BCO2: variants seen among roughly 807,000 people sequenced by gnomAD.
BCO2 encodes carotenoid-cleaving dioxygenase, mitochondrial.
BCO2 carries 56 observed loss-of-function variants against 65.8 expected under a neutral mutation model. The ratio of observed to expected loss-of-function variants is 0.85; its 90% CI spans 0.69 to 1.06. The LOEUF is 1.06. Ranked by LOEUF, BCO2 falls within the 50% of genes least tolerant of loss-of-function variation. The pLI, the probability that BCO2 is intolerant of heterozygous loss-of-function variation, is 0.00. For synonymous variants in BCO2, 233 were observed against 242.3 expected (o/e 0.96, Z 0.36); for missense variants, 675 against 698.5 (o/e 0.97, Z 0.38).
In BCO2 at chr11:112,194,008, A is replaced by T. The variant is rs186711606; in HGVS notation, c.633+14A>T. ...AAAACAGAAAAGGTAAAGTACAGGTAAAAAAAAATGAATAAAATAGATCCT... is the reference window on the plus strand; with the variant it reads ...AAAACAGAAAAGGTAAAGTACAGGTTAAAAAAAATGAATAAAATAGATCCT... On this transcript the variant is annotated intron_variant, in intron 4 of 11. Coordinates refer to ENST00000357685, the MANE Select transcript of BCO2 (RefSeq NM_031938.7). 6.4e-5 allele frequency: 74 copies of T among 1,157,576 alleles called. No homozygotes were observed. The African/African-American group carries it at 1.2e-3, about 18-fold the overall frequency. The allele number at this position is 1,157,576 out of a possible 1,614,324, so 71.7% of individuals were successfully genotyped here.
chr11:112,185,467 A>G (rs1271632755), intron 2 of BCO2, among the ~76,000 whole-genome samples: 1 of 152,202 alleles, frequency 6.6e-6, no homozygotes, highest in Non-Finnish European at 1.5e-5. Context: ...ACAATTTATT[A>G]TGAAAGTTTT....
At chr11:112,195,687 G>A (rs893860739) in intron 5 of BCO2, among the ~76,000 whole-genome samples, 5 of 152,120 alleles carry the variant, frequency 3.3e-5, no homozygotes, top group East Asian at 1.9e-4. Context: ...CAAGTGATCC[G>A]TCTGCCTCGG....
intron 2 of BCO2, among the ~76,000 whole-genome samples, chr11:112,192,925 GTTTTTTTT>G (rs71060229): frequency 5.5e-5 from 2 of 36,658 alleles, no homozygotes; most frequent in South Asian, 3.1e-3. Context: ...AAAATGTGAG[GTTTTTTTT>G]TTTTTTTTTT....
intron 8 of BCO2, among the ~76,000 whole-genome samples, chr11:112,205,784 G>A (rs1473765016): frequency 6.6e-6 from 1 of 151,788 alleles, no homozygotes; most frequent in Non-Finnish European, 1.5e-5. Context: ...TTTTTGTAGA[G>A]ACAGGGGCCT....
intron 5 of BCO2, among the ~76,000 whole-genome samples, chr11:112,195,957 C>A (rs1040563036): frequency 2.6e-5 from 4 of 152,086 alleles, no homozygotes; most frequent in African/African-American, 7.2e-5. Flanking sequence ...ACCGATTAAC[C>A]CAGCCACCCA....
chr11:112,199,684 CTT>C lies in BCO2; in HGVS notation c.737-12_737-11del, dbSNP rs1566786437. 6.2e-7 allele frequency: 1 copy of C among 1,611,408 alleles called. No individual in the cohort carries two copies. The highest frequency in any genetic ancestry group is 2.2e-5 in the East Asian group (1 of 44,858). ...TATATGTAAAACAGGTAAGATAGGA[CTT>C]TTCATTTTTCAGGTTTCTCCTATAA... On this transcript the variant is annotated splice_polypyrimidine_tract_variant and intron_variant, in intron 5 of 11. Transcript: ENST00000357685.
At chr11:112,190,154 C>T (rs11214123) in intron 2 of BCO2, among the ~76,000 whole-genome samples, 3,104 of 152,064 alleles carry the variant, frequency 0.02, 107 homozygotes, top group African/African-American at 0.07. Context: ...AGTGTGGGGG[C>T]GTGTCCCTGT....
At chr11:112,188,563 T>G (rs548884930) in intron 2 of BCO2, among the ~76,000 whole-genome samples, 1 of 152,132 alleles carries the variant, frequency 6.6e-6, no homozygotes, top group Non-Finnish European at 1.5e-5. Flanking sequence ...TCCGCCCACA[T>G]GCTACCCCCT....
chr11:112,210,160 A>G (rs1859467019), intron 8 of BCO2, among the ~76,000 whole-genome samples: 1 of 152,220 alleles, frequency 6.6e-6, no homozygotes, highest in Admixed American at 6.6e-5. Context: ...ATAGTTCTCT[A>G]CCACAATTCT....
intron 2 of BCO2, among the ~76,000 whole-genome samples, chr11:112,185,950 T>C (rs61899684): frequency 0.11 from 17,401 of 152,212 alleles, 1,288 homozygotes; most frequent in East Asian, 0.39. Flanking sequence ...CCCCTGGCAA[T>C]CACCATTCTA....
chr11:112,192,928 T>TTTTTTTG, intron 2 of BCO2, among the ~76,000 whole-genome samples: 1 of 128,254 alleles, frequency 7.8e-6, no homozygotes, highest in African/African-American at 2.9e-5. Flanking sequence ...ATGTGAGGTT[T>TTTTTTTG]TTTTTTTTTT....
intron 5 of BCO2, 88 bp downstream of exon 5, chr11:112,194,843 C>T (rs910883067): frequency 3.5e-6 from 3 of 865,064 alleles, no homozygotes; most frequent in Non-Finnish European, 3.7e-6. Context: ...TTGTTTTTTA[C>T]TGGCACAAGT....
At position 112,180,945 on chromosome 11, in the gene BCO2, A is replaced by G. The variant is rs569910221; in HGVS notation, c.293+1463A>G. ...ATTGATGATATTGCTTTGAACAGGG[A>G]TGATGATGTTTTGTTTGTTTGTGAA... On this transcript the variant is annotated intron_variant, in intron 2 of 11. Transcript: ENST00000357685. 2.6e-6 allele frequency: 3 copies of G among 1,135,498 alleles called. No homozygotes were observed. The East Asian group carries it at 7.0e-5, about 27-fold the overall frequency. 70.3% of individuals were successfully genotyped at this position (1,135,498 alleles called of 1,614,324 possible). A position where few individuals can be genotyped will look rare whatever the true frequency, so the allele number is the denominator to read the frequency against.
chr11:112,180,921 T>C, intron 2 of BCO2: 11 of 1,096,880 alleles, frequency 1.0e-5, no homozygotes, highest in Non-Finnish European at 1.3e-5. Flanking sequence ...GGTGGACTGA[T>C]TGATGATATT....
intron 1 of BCO2, chr11:112,176,234 G>A (rs181952142): frequency 6.5e-6 from 1 of 153,778 alleles, no homozygotes; most frequent in East Asian, 1.9e-4. Flanking sequence ...GCAAGGGAAT[G>A]TATTACGTAC....
intron 8 of BCO2, among the ~76,000 whole-genome samples, chr11:112,207,886 G>C (rs2135389072): frequency 7.0e-6 from 1 of 141,876 alleles, no homozygotes; most frequent in South Asian, 2.1e-4. Context: ...TTTATTCCTA[G>C]GTTTTTTTTT....
intron 11 of BCO2, among the ~76,000 whole-genome samples, chr11:112,216,796 A>G (rs558548946): frequency 7.2e-5 from 11 of 152,240 alleles, no homozygotes; most frequent in Non-Finnish European, 1.2e-4. Flanking sequence ...CAGTGTCCCA[A>G]TAACACTATG....
intron 2 of BCO2, among the ~76,000 whole-genome samples, chr11:112,189,635 C>T (rs1207773238): frequency 2.0e-5 from 3 of 152,070 alleles, no homozygotes; most frequent in Non-Finnish European, 2.9e-5. Context: ...ATCTCCTGAC[C>T]TTGTGATCCG....
intron 2 of BCO2, among the ~76,000 whole-genome samples, chr11:112,180,543 G>A (rs1376509864): frequency 6.6e-6 from 1 of 152,172 alleles, no homozygotes; most frequent in East Asian, 1.9e-4. Flanking sequence ...GCCAATAAAT[G>A]AAAAACCCAG....
Sources: gnomAD v4.1 joint callset for allele counts (sites outside exome capture counted in the v4.1 genomes callset) on GRCh38, gnomAD v4.1.1 for gene constraint, MANE v1.5 for transcripts, NCBI Gene and HGNC (gene_info 2026-07-23, HGNC 2026-07-21) for gene names.